The following AGAP1 variants were observed in gnomAD, a reference collection of about 807,000 sequenced individuals.
AGAP1 encodes ArfGAP with GTPase domain, ankyrin repeat and PH domain 1, also known as arf-GAP with GTPase, ANK repeat and PH domain-containing protein 1.
In AGAP1, 29 loss-of-function variants were observed where a neutral mutation model predicts 105.3. The ratio of observed to expected loss-of-function variants is 0.28; its 90% CI spans 0.21 to 0.38. The LOEUF is 0.38. Among genes scored for constraint, AGAP1 ranks in the 10% least tolerant of loss-of-function variants. The pLI is 1.00. For missense variants in AGAP1, 998 were observed against 1,165.1 expected, an observed-to-expected ratio of 0.86 and a Z score of 2.09; for synonymous variants, 509 against 485.9, an observed-to-expected ratio of 1.05 and a Z score of -0.63.
intron 1 of AGAP1, among the ~76,000 whole-genome samples, chr2:235,575,901 C>T (rs1337914482): frequency 6.6e-6 from 1 of 152,126 alleles, no homozygotes; most frequent in Admixed American, 6.5e-5. Context: ...TCAGATAAGA[C>T]ATTCCCTTCT....
intron 16 of AGAP1, among the ~76,000 whole-genome samples, chr2:236,074,312 C>T (rs1396386551): frequency 6.6e-6 from 1 of 152,218 alleles, no homozygotes; most frequent in African/African-American, 2.4e-5. Context: ...GTGTGATTCT[C>T]TCCACTCCCT....
intron 12 of AGAP1, among the ~76,000 whole-genome samples, chr2:235,966,476 G>T (rs577282552): frequency 1.3e-5 from 2 of 152,234 alleles, no homozygotes; most frequent in East Asian, 1.9e-4. Flanking sequence ...ACCACCAGGG[G>T]ACAGTGACCT....
rs1948051058 is a variant in AGAP1 at position 235,664,111 on chromosome 2, C to G, written c.164-45068C>G. ...CAGTGCCTGGCAGCTAGCGAGTGGC[C>G]AGAACTGGGAGCTGCTGTGTGTGAC... is the stretch of plus-strand genomic sequence containing the variant. On this transcript the variant is annotated intron_variant, in intron 1 of 17. Coordinates refer to ENST00000304032, the MANE Select transcript of AGAP1 (RefSeq NM_001037131.3). The surrounding 1 kb of genome is among the most constrained non-coding windows in gnomAD (Gnocchi z 5.7). Among the ~76,000 whole-genome samples, 1 of 152,136 alleles carries G rather than the reference C, an allele frequency of 6.6e-6. No individual in the cohort carries two copies. The highest frequency in any genetic ancestry group is 2.4e-5 in the African/African-American group (1 of 41,436).
intron 16 of AGAP1, among the ~76,000 whole-genome samples, chr2:236,108,461 C>T (rs1226271797): frequency 1.3e-5 from 2 of 152,196 alleles, no homozygotes; most frequent in African/African-American, 2.4e-5. Flanking sequence ...TGTTCCTCCA[C>T]GCCAGCCCGC....
intron 1 of AGAP1, among the ~76,000 whole-genome samples, chr2:235,605,446 A>G (rs954889206): frequency 5.9e-5 from 9 of 152,236 alleles, no homozygotes; most frequent in African/African-American, 1.9e-4. Flanking sequence ...TCTGTTTTTC[A>G]CCAGACGACG....
rs1283498993 is a variant in AGAP1, at chr2:236,089,783, C to G, written c.2115-30409C>G. Among the ~76,000 whole-genome samples, 2 of 152,124 alleles carry G rather than the reference C, an allele frequency of 1.3e-5. No homozygotes were observed. The highest frequency in any genetic ancestry group is 4.8e-5 in the African/African-American group (2 of 41,418). Reference sequence around the variant, plus strand: ...TGTGGAATGATAACCTGACTGGCATCCCTGCCTCTTGAATGGCTGACGAGG... The same window carrying G: ...TGTGGAATGATAACCTGACTGGCATGCCTGCCTCTTGAATGGCTGACGAGG... On this transcript the variant is annotated intron_variant, in intron 16 of 17. Coordinates refer to ENST00000304032, the MANE Select transcript of AGAP1 (RefSeq NM_001037131.3). The surrounding 1 kb of genome is among the most constrained non-coding windows in gnomAD (Gnocchi z 5.6).
chr2:235,687,827 G>A (rs1575132476), intron 1 of AGAP1, among the ~76,000 whole-genome samples: 1 of 150,744 alleles, frequency 6.6e-6, no homozygotes, highest in Non-Finnish European at 1.5e-5. Context: ...GCGCTCTTTG[G>A]TAGAAGGATG....
chr2:235,830,557 G>A lies in AGAP1; in HGVS notation c.1050+23226G>A, dbSNP rs1959227795. Among the ~76,000 whole-genome samples, 1 of 150,994 alleles carries A rather than the reference G, an allele frequency of 6.6e-6. No homozygotes were observed. Among genetic ancestry groups the A allele is most frequent in the Non-Finnish European group, 1.5e-5 (1 of 67,932 alleles). On this transcript the variant is annotated intron_variant, in intron 9 of 17. Transcript: ENST00000304032. This position sits in a 1 kb window ranked among gnomAD's most constrained non-coding sequence, Gnocchi z 5.5. The stretch of plus-strand genomic sequence containing the variant: ...ACCAGGAAGTTTACAGTTCAGAAGT[G>A]TTGCATGCTGAGCACTCTTTGTGAG...
chr2:235,926,580 C>G (rs1042958126), intron 11 of AGAP1, among the ~76,000 whole-genome samples: 4 of 152,222 alleles, frequency 2.6e-5, no homozygotes, highest in Non-Finnish European at 5.9e-5. Flanking sequence ...TCTGCATTAT[C>G]ACACAAAATA....
chr2:235,657,461 C>A (rs1947810088), intron 1 of AGAP1, among the ~76,000 whole-genome samples: 1 of 152,160 alleles, frequency 6.6e-6, no homozygotes, highest in Non-Finnish European at 1.5e-5. Context: ...TCACTGCAAC[C>A]TCTGCCTCTC....
chr2:236,054,497 A>C (rs2057997342), intron 16 of AGAP1, among the ~76,000 whole-genome samples: 1 of 151,576 alleles, frequency 6.6e-6, no homozygotes, highest in Non-Finnish European at 1.5e-5. Context: ...AAAAAAAAAA[A>C]AAGGGAGGGG....
At chr2:235,570,468 A>G (rs1944478608) in intron 1 of AGAP1, among the ~76,000 whole-genome samples, 1 of 152,252 alleles carries the variant, frequency 6.6e-6, no homozygotes, top group Non-Finnish European at 1.5e-5. Flanking sequence ...GACTTATCAC[A>G]CAAATATGCT....
chr2:235,889,429 A>G lies in AGAP1; in HGVS notation c.1155+5980A>G, dbSNP rs1202129647. On this transcript the variant is annotated intron_variant, in intron 10 of 17. Transcript: ENST00000304032. The surrounding 1 kb of genome is among the most constrained non-coding windows in gnomAD (Gnocchi z 4.6). ...AGAACTGGGGCAGCTTTCTACTTGC[A>G]GAAGATCATGACAAGGGACTTCAGC... Among the ~76,000 whole-genome samples, 1 of 152,168 alleles carries G rather than the reference A, an allele frequency of 6.6e-6. No individual in the cohort carries two copies. The highest frequency in any genetic ancestry group is 1.5e-5 in the Non-Finnish European group (1 of 68,030).
intron 10 of AGAP1, among the ~76,000 whole-genome samples, chr2:235,902,063 T>TA (rs1014658417): frequency 4.6e-5 from 7 of 152,172 alleles, no homozygotes; most frequent in Non-Finnish European, 1.0e-4. Flanking sequence ...ATTTTCAAAA[T>TA]AAAAAATCAT....
At chr2:236,112,878 G>GC (rs1402427399) in intron 16 of AGAP1, among the ~76,000 whole-genome samples, 1 of 152,038 alleles carries the variant, frequency 6.6e-6, no homozygotes. Flanking sequence ...CAGATTGGGA[G>GC]CCCCCCTGCT....
intron 1 of AGAP1, among the ~76,000 whole-genome samples, chr2:235,626,315 G>A (rs1251055947): frequency 2.0e-5 from 3 of 152,152 alleles, no homozygotes; most frequent in Admixed American, 1.3e-4. Context: ...CCAAGATCAC[G>A]CCACTGTACT....
chr2:235,573,996 G>A (rs1944655923), intron 1 of AGAP1, among the ~76,000 whole-genome samples: 1 of 152,188 alleles, frequency 6.6e-6, no homozygotes, highest in Admixed American at 6.5e-5. Flanking sequence ...CTCCCTTCCT[G>A]TGTTGGCCAG....
rs529508627 is a variant in AGAP1 at position 235,555,108 on chromosome 2, G to A, written c.163+60259G>A. 6.6e-6 allele frequency among the ~76,000 whole-genome samples: 1 copy of A among 152,286 alleles called. No individual in the cohort carries two copies. Among genetic ancestry groups the A allele is most frequent in the East Asian group, 1.9e-4 (1 of 5,176 alleles). ...GGATGAGGAGAGCGCGGCCGCCAGG[G>A]TCAGCCTGGATGCTCCTAGGCAGAG... is the stretch of plus-strand genomic sequence containing the variant. On this transcript the variant is annotated intron_variant, in intron 1 of 17. Coordinates refer to ENST00000304032, the MANE Select transcript of AGAP1 (RefSeq NM_001037131.3). This position sits in a 1 kb window ranked among gnomAD's most constrained non-coding sequence, Gnocchi z 5.1.
rs1227693146 is a variant in AGAP1, at chr2:235,566,819, A to G, written c.163+71970A>G. On this transcript the variant is annotated intron_variant, in intron 1 of 17. Coordinates refer to ENST00000304032, the MANE Select transcript of AGAP1 (RefSeq NM_001037131.3). The surrounding 1 kb of genome is among the most constrained non-coding windows in gnomAD (Gnocchi z 5.2). Reference sequence around the variant, plus strand: ...TAACAGCCACAAACTAGGTGGCTTAAAACAACAGAACATCATTCTTTTACA... The same window carrying G: ...TAACAGCCACAAACTAGGTGGCTTAGAACAACAGAACATCATTCTTTTACA... Among the ~76,000 whole-genome samples the G allele has an allele frequency of 6.6e-6, 1 of 152,204 alleles. No individual in the cohort carries two copies. Among genetic ancestry groups the G allele is most frequent in the African/African-American group, 2.4e-5 (1 of 41,468 alleles).
Sources: gnomAD v4.1 joint callset for allele counts (sites outside exome capture counted in the v4.1 genomes callset) on GRCh38, gnomAD v4.1.1 for gene constraint, Gnocchi (gnomAD v3.1) non-coding constraint, MANE v1.5 for transcripts, NCBI Gene and HGNC (gene_info 2026-07-23, HGNC 2026-07-21) for gene names.